EPB41L1: variants seen among roughly 807,000 people sequenced by gnomAD.
EPB41L1 encodes the protein erythrocyte membrane protein band 4.1 like 1.
In EPB41L1, 29 loss-of-function variants were observed where a neutral mutation model predicts 97.8. The observed-to-expected ratio is 0.30, with a 90% CI of 0.22 to 0.40. EPB41L1 has a LOEUF of 0.40. EPB41L1 is among the 10% of genes least tolerant of loss of function. The pLI is 1.00. For missense variants in EPB41L1, 812 were observed against 1,162.3 expected (o/e 0.70, Z 4.38); for synonymous variants, 383 against 459.2 (o/e 0.83, Z 2.12).
chr20:36,115,584 C>T (rs928552572), intron 2 of EPB41L1, among the ~76,000 whole-genome samples: 3 of 152,190 alleles, frequency 2.0e-5, no homozygotes, highest in Non-Finnish European at 2.9e-5. Context: ...TCTTTATGTG[C>T]ATTATCTCAT....
At chr20:36,118,138 A>C (rs920640508) in intron 2 of EPB41L1, among the ~76,000 whole-genome samples, 1 of 152,220 alleles carries the variant, frequency 6.6e-6, no homozygotes, top group Non-Finnish European at 1.5e-5. Flanking sequence ...CAAGGCTAAG[A>C]AAAGGCTTGG....
rs1395140099 is a variant in EPB41L1 at position 36,197,867 on chromosome 20, C to T, written c.1494C>T (p.Asp498=). The change falls in exon 14 of 22, where the codon GAC becomes GAT. Residue 498 remains aspartate, a synonymous_variant. Transcript: ENST00000338074. ...TCTCCATCTATCCCTAGTTCTTAGA[C>T]AAGCCAGAAGATGTCTTGCTGAAGC... ...TTPRHKQEFL[D]KPEDVLLKHQ... 6.2e-7 allele frequency: 1 copy of T among 1,614,144 alleles called. No homozygotes were observed. Among genetic ancestry groups the T allele is most frequent in the East Asian group, 2.2e-5 (1 of 44,880 alleles).
intron 1 of EPB41L1, among the ~76,000 whole-genome samples, chr20:36,166,658 G>A (rs1034225259): frequency 1.1e-4 from 17 of 151,972 alleles, no homozygotes; most frequent in Admixed American, 1.1e-3. Context: ...AGGCCAAGGC[G>A]AGCAGATTGG....
In EPB41L1 at chr20:36,176,630, C is replaced by CTT. The variant is rs549487167; in HGVS notation, c.342+930_342+931dup. 2.9e-4 allele frequency among the ~76,000 whole-genome samples: 40 copies of CTT among 136,770 alleles called. 1 individual carries two copies. Among genetic ancestry groups the CTT allele is most frequent in the Admixed American group, 1.2e-3 (16 of 13,336 alleles). The allele number at this position is 136,770 out of a possible 152,430, so 89.7% of individuals were successfully genotyped here. ...TGTACATGTATTTTTTCTTTTTTTT[C>CTT]TTTTTTTTTTTTTTTTGTTGAGACA... On this transcript the variant is annotated intron_variant, in intron 3 of 21. Transcript: ENST00000338074.
intron 19 of EPB41L1, among the ~76,000 whole-genome samples, chr20:36,220,809 G>A (rs543627845): frequency 6.6e-6 from 1 of 152,212 alleles, no homozygotes; most frequent in African/African-American, 2.4e-5. Context: ...GGGCTGATGC[G>A]TCCACACCTA....
intron 17 of EPB41L1, among the ~76,000 whole-genome samples, chr20:36,215,396 T>C (rs1235643191): frequency 6.6e-6 from 1 of 152,222 alleles, no homozygotes; most frequent in East Asian, 1.9e-4. Flanking sequence ...TTGCAGCCAC[T>C]ACTCGGGCTA....
rs557226851 is a variant in EPB41L1, at chr20:36,178,767, G to T, written c.490+95G>T. The stretch of plus-strand genomic sequence containing the variant: ...ACTGCTCTCTCCTCCTTTGGAAAGT[G>T]CATTTCAGGCCAGGCGTTGTGGCTC... On this transcript the variant is annotated intron_variant, in intron 5 of 21. Coordinates refer to ENST00000338074, the MANE Select transcript of EPB41L1 (RefSeq NM_012156.2). The T allele has an allele frequency of 4.5e-6, 6 of 1,345,928 alleles. No homozygotes were observed. In the South Asian group the frequency reaches 7.0e-5, roughly 16 times the overall value. 83.4% of individuals were successfully genotyped at this position (1,345,928 alleles called of 1,614,324 possible).
intron 17 of EPB41L1, among the ~76,000 whole-genome samples, chr20:36,216,396 G>C (rs1028642157): frequency 6.6e-6 from 1 of 152,076 alleles, no homozygotes; most frequent in Non-Finnish European, 1.5e-5. Flanking sequence ...AGGAGGAGTC[G>C]GGGGGGAAGA....
intron 1 of EPB41L1, among the ~76,000 whole-genome samples, chr20:36,107,861 C>T (rs895189717): frequency 4.0e-5 from 6 of 151,722 alleles, no homozygotes; most frequent in Admixed American, 3.9e-4. Context: ...CAAGGAGAAG[C>T]TAAATATCTT....
chr20:36,193,383 A>AGT (rs2146417277), intron 11 of EPB41L1, among the ~76,000 whole-genome samples: 1 of 152,336 alleles, frequency 6.6e-6, no homozygotes, highest in African/African-American at 2.4e-5. Flanking sequence ...TACTTTGCAA[A>AGT]GTGAGTGTAT....
At chr20:36,094,182 A>G (rs1343554092) in intron 1 of EPB41L1, among the ~76,000 whole-genome samples, 1 of 152,078 alleles carries the variant, frequency 6.6e-6, no homozygotes, top group Non-Finnish European at 1.5e-5. Context: ...CTCTTGATGT[A>G]TATGTGTGTG....
chr20:36,096,816 G>A (rs148073272), intron 1 of EPB41L1, among the ~76,000 whole-genome samples: 51 of 152,366 alleles, frequency 3.3e-4, no homozygotes, highest in African/African-American at 1.2e-3. Context: ...CTTATGATTT[G>A]TGTTCAATAA....
rs1395442667 is a variant in EPB41L1 at position 36,194,330 on chromosome 20, C to G, written c.1419C>G (p.Val473=). 1.9e-6 allele frequency: 3 copies of G among 1,613,544 alleles called. No homozygotes were observed. In the Admixed American group the frequency reaches 5.0e-5, roughly 27 times the overall value. The change falls in exon 12 of 22, where the codon GTC becomes GTG. Residue 473 remains valine, a synonymous_variant. Transcript: ENST00000338074. ...GGTCAGAGGCTGAGGAGGGAGAGGT[C>G]AGGACTCCAACCAAGATCAAGGAGC... The part of the protein sequence containing the change: ...GQRSEAEEGE[V]RTPTKIKELK...
At chr20:36,102,040 A>ACAAAACAAAAC (rs1555827195) in intron 1 of EPB41L1, among the ~76,000 whole-genome samples, 1 of 98,510 alleles carries the variant, frequency 1.0e-5, no homozygotes, top group African/African-American at 6.7e-5. Context: ...ACAAAACAAA[A>ACAAAACAAAAC]AAAACAAAAA....
In EPB41L1 at chr20:36,209,964, C is replaced by G; in HGVS notation, c.2079+66C>G. The G allele has an allele frequency of 1.3e-6, 2 of 1,578,548 alleles. No homozygotes were observed. Among genetic ancestry groups the G allele is most frequent in the Non-Finnish European group, 1.7e-6 (2 of 1,161,924 alleles). ...CGCATGCTCAGAGGGCCCTGGGCCA[C>G]CCGTGAGAAGACCGAGCACCCAGCC... On this transcript the variant is annotated intron_variant, in intron 15 of 21. Transcript: ENST00000338074. This position sits in a 1 kb window ranked among gnomAD's most constrained non-coding sequence, Gnocchi z 4.2.
intron 2 of EPB41L1, chr20:36,125,318 A>G (rs979549461): frequency 2.1e-5 from 14 of 653,416 alleles, no homozygotes; most frequent in Non-Finnish European, 3.9e-5. Context: ...GGGTGACCTA[A>G]GAGTCAGATG....
intron 2 of EPB41L1, among the ~76,000 whole-genome samples, chr20:36,119,977 C>G (rs533485337): frequency 3.9e-5 from 6 of 152,248 alleles, no homozygotes; most frequent in African/African-American, 1.4e-4. Flanking sequence ...CAGGGGTCCT[C>G]TCTCCCAGAC....
At chr20:36,214,605 C>A (rs2063332416) in intron 17 of EPB41L1, among the ~76,000 whole-genome samples, 165 bp downstream of exon 17, 1 of 152,160 alleles carries the variant, frequency 6.6e-6, no homozygotes, top group African/African-American at 2.4e-5. Context: ...GCTTTAGTTG[C>A]CACAGGACAT....
intron 2 of EPB41L1, among the ~76,000 whole-genome samples, chr20:36,174,272 T>C (rs549070056): frequency 6.6e-6 from 1 of 151,892 alleles, no homozygotes. Context: ...AACTTTCTTT[T>C]TTTTTTTTAA....
Sources: allele counts gnomAD v4.1 joint callset (sites outside exome capture counted in the v4.1 genomes callset), GRCh38; gene constraint gnomAD v4.1.1; non-coding constraint Gnocchi (gnomAD v3.1); transcripts MANE v1.5; gene names NCBI Gene and HGNC (gene_info 2026-07-23, HGNC 2026-07-21).